Variants in NCOR2 observed in about 807,000 individuals in gnomAD.
NCOR2 encodes the protein CTG repeat protein 26.
A neutral mutation model predicts 262.9 loss-of-function variants in NCOR2; 81 were observed. The observed-to-expected ratio is 0.31, with a 90% CI of 0.26 to 0.37. The LOEUF (loss-of-function observed/expected upper bound fraction) is 0.37. Among genes scored for constraint, NCOR2 ranks in the 10% least tolerant of loss-of-function variants. NCOR2 has a pLI of 1.00. For missense variants in NCOR2, 3,385 were observed against 3,621.4 expected, an observed-to-expected ratio of 0.93 and a Z score of 1.68; for synonymous variants, 1,659 against 1,559.3, an observed-to-expected ratio of 1.06 and a Z score of -1.51.
chr12:124,392,039 C>T (rs1185558183), intron 16 of NCOR2, among the ~76,000 whole-genome samples: 13 of 152,192 alleles, frequency 8.5e-5, no homozygotes, highest in Admixed American at 7.9e-4. Flanking sequence ...CGTGTGTATG[C>T]GTGCGTGTGT....
chr12:124,347,483 G>T (rs1314493978), intron 30 of NCOR2: 8 of 278,164 alleles, frequency 2.9e-5, no homozygotes, highest in African/African-American at 1.1e-4. Context: ...AGAGTTCTCG[G>T]AGCTCTCCAA....
intron 1 of NCOR2, among the ~76,000 whole-genome samples, chr12:124,545,124 A>G (rs772173179): frequency 1.3e-5 from 2 of 152,088 alleles, no homozygotes; most frequent in African/African-American, 2.4e-5. Context: ...CCACCTCCCC[A>G]GGGCCCCTTG....
At chr12:124,420,688 T>C (rs186013443) in intron 12 of NCOR2, among the ~76,000 whole-genome samples, 3 of 151,952 alleles carry the variant, frequency 2.0e-5, no homozygotes, top group African/African-American at 7.2e-5. Context: ...ATGGGACGAG[T>C]AAAAGGGGCA....
chr12:124,520,519 T>C (rs1274374204), intron 1 of NCOR2, among the ~76,000 whole-genome samples: 1 of 152,180 alleles, frequency 6.6e-6, no homozygotes, highest in Non-Finnish European at 1.5e-5. Flanking sequence ...AGAGCGACTG[T>C]GTGCTATGGG....
chr12:124,344,199 C>T (rs145098558), intron 32 of NCOR2, among the ~76,000 whole-genome samples: 57 of 152,324 alleles, frequency 3.7e-4, no homozygotes, highest in Middle Eastern at 3.4e-3. Context: ...CGAAGGAATC[C>T]GGCTGAATGA....
chr12:124,485,824 G>A (rs1000262105), intron 2 of NCOR2, among the ~76,000 whole-genome samples: 11 of 152,284 alleles, frequency 7.2e-5, no homozygotes, highest in Middle Eastern at 3.4e-3. Context: ...CACCTCAGCC[G>A]TCTCCAGCAG....
At chr12:124,405,566 C>T (rs1268263532) in intron 13 of NCOR2, among the ~76,000 whole-genome samples, 2 of 152,240 alleles carry the variant, frequency 1.3e-5, no homozygotes, top group Admixed American at 1.3e-4. Flanking sequence ...GGAGGAATAG[C>T]AGAGCAGCCC....
At position 124,495,020 on chromosome 12, in the gene NCOR2, C is replaced by T. The variant is rs2048307354; in HGVS notation, c.105+127G>A. 1.6e-6 allele frequency: 2 copies of T among 1,212,936 alleles called. No homozygotes were observed. The highest frequency in any genetic ancestry group is 2.7e-5 in the East Asian group (1 of 36,972). The allele number at this position is 1,212,936 out of a possible 1,614,324, so 75.1% of individuals were successfully genotyped here. On this transcript the variant is annotated intron_variant, in intron 1 of 46. Transcript: ENST00000405201. The surrounding 1 kb of genome is among the most constrained non-coding windows in gnomAD (Gnocchi z 4.4). ...ACCAGGGGTCTCTGTGGCGGCCTCC[C>T]CTCTGCCCTGGGAGGCTCAGAGCCA...
chr12:124,559,811 G>C (rs1020068368), intron 1 of NCOR2, among the ~76,000 whole-genome samples: 2 of 152,178 alleles, frequency 1.3e-5, no homozygotes, highest in African/African-American at 4.8e-5. Context: ...CTTCCTAGTA[G>C]CCAAAGCAAA....
At position 124,338,570 on chromosome 12, in the gene NCOR2, G is replaced by A. The variant is rs181689336; in HGVS notation, c.5688-1390C>T. Among the ~76,000 whole-genome samples, 253 of 151,260 alleles carry A rather than the reference G, an allele frequency of 1.7e-3. 1 individual carries two copies. The highest frequency in any genetic ancestry group is 1.9e-3 in the Non-Finnish European group (129 of 67,880). ...GTTGAGGTGTGACCCCACCCCCCTG[G>A]TGAAGCAGCTCTGCCCACAGTCTCT... On this transcript the variant is annotated intron_variant, in intron 37 of 46. Coordinates refer to ENST00000405201, the Ensembl canonical transcript of NCOR2.
At position 124,443,976 on chromosome 12, in the gene NCOR2, G is replaced by A. The variant is rs555986013; in HGVS notation, c.815+5839C>T. ...CCTTTCAAAGGTCGCCCAGCTCCCCGTTCCTCAGCCCCTACTACTCCCTAT... is the reference window on the plus strand; with the variant it reads ...CCTTTCAAAGGTCGCCCAGCTCCCCATTCCTCAGCCCCTACTACTCCCTAT... On this transcript the variant is annotated intron_variant, in intron 7 of 46. Transcript: ENST00000405201. The surrounding 1 kb of genome is among the most constrained non-coding windows in gnomAD (Gnocchi z 4.4). 1.3e-5 allele frequency among the ~76,000 whole-genome samples: 2 copies of A among 152,094 alleles called. No homozygotes were observed. The highest frequency in any genetic ancestry group is 2.1e-4 in the South Asian group (1 of 4,816).
Position 124,566,571 on chromosome 12 carries a change from G to C in NCOR2, c.-165+737C>G, listed in dbSNP as rs376740921. 7.2e-5 allele frequency among the ~76,000 whole-genome samples: 11 copies of C among 152,244 alleles called. No individual in the cohort carries two copies. The highest frequency in any genetic ancestry group is 3.3e-4 in the Admixed American group (5 of 15,294). On this transcript the variant is annotated intron_variant, in intron 1 of 32. Coordinates refer to the NCOR2 transcript ENST00000458234. The surrounding 1 kb of genome is among the most constrained non-coding windows in gnomAD (Gnocchi z 4.3). ...CTAGACAAGGGTCTGGGTCTTCCCA[G>C]TCGTGCCCAAGTGGGATCAGCTCTG... is the stretch of plus-strand genomic sequence containing the variant.
intron 22 of NCOR2, among the ~76,000 whole-genome samples, chr12:124,359,521 G>T (rs1295974321): frequency 6.6e-6 from 1 of 152,208 alleles, no homozygotes; most frequent in South Asian, 2.1e-4. Flanking sequence ...ACAGATGCAG[G>T]GGAATTCTCA....
In NCOR2 at chr12:124,333,241, C is replaced by G. The variant is rs1359282987; in HGVS notation, c.6644G>C (p.Gly2215Ala). The stretch of plus-strand genomic sequence containing the variant: ...GGACACAGGTTCAATACCGTCCTCA[C>G]CACCACCCAAGACCGACGTCTTGTT... The change falls in exon 42 of 47, where the codon GGT (glycine) becomes GCT (alanine). Residue 2215 changes from glycine (G) to alanine (A), a missense_variant. Transcript: ENST00000405201. The G allele has an allele frequency of 6.8e-6, 11 of 1,612,636 alleles. No homozygotes were observed. The highest frequency in any genetic ancestry group is 9.3e-6 in the Non-Finnish European group (11 of 1,179,674).
Position 124,440,774 on chromosome 12 carries a change from A to G in NCOR2, c.816-2778T>C, listed in dbSNP as rs1022715987. Among the ~76,000 whole-genome samples, 5 of 152,156 alleles carry G rather than the reference A, an allele frequency of 3.3e-5. No homozygotes were observed. The highest frequency in any genetic ancestry group is 5.9e-5 in the Non-Finnish European group (4 of 68,016). ...GCTGGGGGACGGGGTGTGAGGGGCTATTTTAGATTCCGTGGTGCAGAAAGA... is the reference window on the plus strand; with the variant it reads ...GCTGGGGGACGGGGTGTGAGGGGCTGTTTTAGATTCCGTGGTGCAGAAAGA... On this transcript the variant is annotated intron_variant, in intron 7 of 46. Coordinates refer to ENST00000405201, the Ensembl canonical transcript of NCOR2. The surrounding 1 kb of genome is among the most constrained non-coding windows in gnomAD (Gnocchi z 5.7).
chr12:124,337,037 C>G (rs546270358), exon 38 of NCOR2: 2 of 1,498,328 alleles, frequency 1.3e-6, no homozygotes, highest in South Asian at 2.8e-5. Context: ...CCGCTCTGGC[C>G]GGGCGACCCG....
chr12:124,550,291 A>G (rs1197386748), intron 1 of NCOR2, among the ~76,000 whole-genome samples: 4 of 152,228 alleles, frequency 2.6e-5, no homozygotes, highest in Non-Finnish European at 5.9e-5. Flanking sequence ...AGACGAGGTC[A>G]CAGGGCTCAG....
Position 124,487,977 on chromosome 12 carries a change from C to G in NCOR2, c.106-1409G>C, listed in dbSNP as rs1433728812. Among the ~76,000 whole-genome samples, 5 of 151,998 alleles carry G rather than the reference C, an allele frequency of 3.3e-5. No individual in the cohort carries two copies. In the East Asian group the frequency reaches 9.7e-4, roughly 29 times the overall value. On this transcript the variant is annotated intron_variant, in intron 1 of 46. Transcript: ENST00000405201. ...ATAGATTAGTTCTGTCTGCCTGGAA[C>G]ACTCAGTGAGGCTGTTTGCGGCAAT...
At chr12:124,451,553 G>C (rs193078994) in intron 6 of NCOR2, among the ~76,000 whole-genome samples, 2 of 146,282 alleles carry the variant, frequency 1.4e-5, no homozygotes, top group African/African-American at 2.5e-5. Context: ...GAGTCTCTGT[G>C]TGTGTGTGTG....
Sources: gnomAD v4.1 joint callset for allele counts (sites outside exome capture counted in the v4.1 genomes callset) on GRCh38, gnomAD v4.1.1 for gene constraint, Gnocchi (gnomAD v3.1) non-coding constraint, MANE v1.5 for transcripts, NCBI Gene and HGNC (gene_info 2026-07-23, HGNC 2026-07-21) for gene names.